The following DST variants were observed in gnomAD, a reference collection of about 807,000 sequenced individuals.
The protein encoded by DST is bullous pemphigoid antigen.
DST carries 253 observed loss-of-function variants against 875.2 expected under a neutral mutation model. That is an observed-to-expected ratio of 0.29 (90% CI 0.26 to 0.32). DST has a LOEUF of 0.32. DST is among the 10% of genes least tolerant of loss of function. The pLI is 1.00. For missense variants in DST, 8,287 were observed against 9,111.6 expected, an observed-to-expected ratio of 0.91 and a Z score of 3.68; for synonymous variants, 3,124 against 3,197.1, an observed-to-expected ratio of 0.98 and a Z score of 0.77.
intron 4 of DST, chr6:56,842,906 C>T (rs1360865641): frequency 2.9e-6 from 2 of 700,494 alleles, no homozygotes; most frequent in Non-Finnish European, 4.0e-6. Flanking sequence ...GGTACTAAAT[C>T]CCGTGCAAAA....
chr6:56,629,463 A>G lies in DST; in HGVS notation c.4282-20T>C, dbSNP rs773093718. On this transcript the variant is annotated intron_variant, in intron 31 of 103. Transcript: ENST00000680361. Reference sequence around the variant, plus strand: ...CCATTGCTAAAATACATTAATTGGTAAAAGTTATAAAAATGTTAACCACTC... The same window carrying G: ...CCATTGCTAAAATACATTAATTGGTGAAAGTTATAAAAATGTTAACCACTC... 10 of 1,584,702 alleles carry G rather than the reference A, an allele frequency of 6.3e-6. No individual in the cohort carries two copies. In the Admixed American group the frequency reaches 8.3e-5, roughly 13 times the overall value.
intron 93 of DST, among the ~76,000 whole-genome samples, chr6:56,473,197 G>C (rs960475215): frequency 1.3e-5 from 2 of 152,292 alleles, no homozygotes; most frequent in Admixed American, 6.5e-5. Context: ...CAAGGAGTCT[G>C]GCTATAGGGC....
intron 10 of DST, 43 bp downstream of exon 10, chr6:56,670,596 ATG>A: frequency 8.3e-7 from 1 of 1,207,124 alleles, no homozygotes; most frequent in Non-Finnish European, 1.1e-6. Context: ...GATGAAAGAA[ATG>A]TGTCTTACAG....
intron 36 of DST, chr6:56,615,970 C>T: frequency 8.7e-6 from 14 of 1,614,200 alleles, no homozygotes; most frequent in Non-Finnish European, 1.1e-5. Context: ...CTTCGGCCAC[C>T]CGGTACTTTT....
At chr6:56,485,265 T>C (rs755229073) in intron 88 of DST, 47 bp downstream of exon 88, 24 of 1,603,404 alleles carry the variant, frequency 1.5e-5, no homozygotes, top group Admixed American at 5.0e-5. Context: ...TCCTGTACAC[T>C]CAGAATAATC....
At chr6:56,617,396 T>A in intron 36 of DST, 1 of 1,613,406 alleles carries the variant, frequency 6.2e-7, no homozygotes, top group Non-Finnish European at 8.5e-7. Context: ...TGTATGCATA[T>A]CATACTGCTT....
rs749142486 is a variant in DST at position 56,634,156 on chromosome 6, T to C, written c.3597A>G (p.Arg1199=). The C allele has an allele frequency of 6.2e-7, 1 of 1,613,420 alleles. No homozygotes were observed. The highest frequency in any genetic ancestry group is 8.5e-7 in the Non-Finnish European group (1 of 1,179,998). The change falls in exon 27 of 104, where the codon AGA becomes AGG. Residue 1199 remains arginine (R), a synonymous_variant. Coordinates refer to ENST00000680361, the MANE Select transcript of DST (RefSeq NM_001374736.1). The stretch of plus-strand genomic sequence containing the variant: ...CTGAAGCCACATTGCTAGCTCGAAT[T>C]CTATCAATTTCATTGATGAGATAAT... ...SWHYLINEID[R]IRASNVASIK... is the part of the protein sequence containing the mutation.
intron 5 of DST, among the ~76,000 whole-genome samples, chr6:56,715,007 C>T (rs549440835): frequency 1.9e-4 from 29 of 152,222 alleles, no homozygotes; most frequent in African/African-American, 6.5e-4. Context: ...TGTCTTTGGT[C>T]CTCACTGCAA....
At position 56,536,933 on chromosome 6, in the gene DST, T is replaced by G. The variant is rs2097014888; in HGVS notation, c.16616A>C (p.Gln5539Pro). 1 of 1,613,634 alleles carries G rather than the reference T, an allele frequency of 6.2e-7. No individual in the cohort carries two copies. The highest frequency in any genetic ancestry group is 1.3e-5 in the African/African-American group (1 of 74,912). The change falls in exon 62 of 104, where the codon CAG becomes CCG. Residue 5539 changes from glutamine to proline, a missense_variant. By Grantham distance (76) the Gln-to-Pro change is moderately conservative. Coordinates refer to ENST00000680361, the MANE Select transcript of DST (RefSeq NM_001374736.1). ...NQQLNMFKVF[Q>P]KEEIEPLQGK... The stretch of plus-strand genomic sequence containing the variant: ...TTGCAAGGGTTCAATCTCTTCTTTC[T>G]GGAATACCTGCAGTTAAAAGAGTAA...
At chr6:56,810,001 C>G (rs905601189) in intron 4 of DST, among the ~76,000 whole-genome samples, 7 of 152,162 alleles carry the variant, frequency 4.6e-5, no homozygotes, top group Non-Finnish European at 1.0e-4. Context: ...CCCGTACTTT[C>G]AGTAAACAGT....
chr6:56,769,526 T>TA (rs777815766), intron 4 of DST, among the ~76,000 whole-genome samples: 5 of 151,516 alleles, frequency 3.3e-5, no homozygotes, highest in African/African-American at 1.2e-4. Flanking sequence ...AAAAGTCTAT[T>TA]AAAAAAAAAT....
At chr6:56,836,850 C>CAAAAAAAAAAAAAAAAAAA (rs1362120373) in intron 4 of DST, among the ~76,000 whole-genome samples, 1 of 74,442 alleles carries the variant, frequency 1.3e-5, no homozygotes, top group Non-Finnish European at 2.6e-5. Context: ...GACTCCATCT[C>CAAAAAAAAAAAAAAAAAAA]AAAAAAAAAA....
chr6:56,601,351 AAATCTTTCCT>A, intron 44 of DST, 82 bp downstream of exon 44: 1 of 793,654 alleles, frequency 1.3e-6, no homozygotes, highest in Non-Finnish European at 2.0e-6. Flanking sequence ...CCTTTCCAGA[AAATCTTTCCT>A]GTCACACTAT....
In DST at chr6:56,482,871, G is replaced by T; in HGVS notation, c.21214C>A (p.Gln7072Lys). 6.5e-7 allele frequency: 1 copy of T among 1,540,518 alleles called. No individual in the cohort carries two copies. Among genetic ancestry groups the T allele is most frequent in the South Asian group, 1.3e-5 (1 of 78,158 alleles). The change falls in exon 89 of 104, where the codon CAA becomes AAA. Residue 7072 changes from glutamine (Q) to lysine (K), a missense_variant. Around this residue, in one of 10 missense-constraint regions of DST, gnomAD observed 1,292 missense variants for 1,552.7 expected, o/e 0.83. Coordinates refer to ENST00000680361, the MANE Select transcript of DST (RefSeq NM_001374736.1). ...CTGGTCCTCTTCCCCAACTCTTTTT[G>T]GAAGGCCTAAGAAGACCATATTTTG... Reference protein sequence around the residue: ...MNLIDNHKAFQKELGKRTSSV... With the variant: ...MNLIDNHKAFKKELGKRTSSV...
chr6:56,570,960 T>C (rs1380762339), intron 53 of DST, among the ~76,000 whole-genome samples: 4 of 152,240 alleles, frequency 2.6e-5, no homozygotes, highest in African/African-American at 9.6e-5. Flanking sequence ...TACACTATAC[T>C]ACAGTCACGT....
chr6:56,557,033 T>G (rs2097433506), intron 59 of DST, among the ~76,000 whole-genome samples: 1 of 152,218 alleles, frequency 6.6e-6, no homozygotes, highest in Non-Finnish European at 1.5e-5. Context: ...AAGAAGGCCC[T>G]TTTAACCAGA....
In DST at chr6:56,954,481, CAGA is replaced by C. The variant is rs777785647; in HGVS notation, c.104_106del (p.Phe35del). 9 of 1,367,438 alleles carry C rather than the reference CAGA, an allele frequency of 6.6e-6. No homozygotes were observed. Among genetic ancestry groups the C allele is most frequent in the East Asian group, 4.6e-5 (1 of 21,968 alleles). The allele number at this position is 1,367,438 out of a possible 1,614,324, so 84.7% of individuals were successfully genotyped here. ...TTTCTGGAGCTTGCGGTGCCAGCAG[CAGA>C]AGAAGACGATGGTGGCGATGGTGCC... is the stretch of plus-strand genomic sequence containing the variant. On this transcript the variant is annotated inframe_deletion, in exon 1 of 104. Coordinates refer to ENST00000680361, the MANE Select transcript of DST (RefSeq NM_001374736.1).
intron 30 of DST, 152 bp downstream of exon 30, chr6:56,631,059 C>T (rs999244492): frequency 3.9e-6 from 1 of 254,618 alleles, no homozygotes; most frequent in Non-Finnish European, 6.5e-6. Context: ...CTGGGATTAC[C>T]GGCATGAGCC....
At chr6:56,599,078 A>G (rs2098419067) in intron 45 of DST, among the ~76,000 whole-genome samples, 1 of 152,048 alleles carries the variant, frequency 6.6e-6, no homozygotes, top group South Asian at 2.1e-4. Context: ...CTAAACTTTT[A>G]TTTTTTAATG....
Sources: allele counts gnomAD v4.1 joint callset (sites outside exome capture counted in the v4.1 genomes callset), GRCh38; gene constraint gnomAD v4.1.1; regional missense constraint gnomAD v4.1.1; transcripts MANE v1.5; gene names NCBI Gene and HGNC (gene_info 2026-07-23, HGNC 2026-07-21).